Variants in HIF3A observed in about 807,000 individuals in gnomAD.
The protein encoded by HIF3A is hypoxia inducible factor 3 subunit alpha.
In HIF3A, 41 loss-of-function variants were observed where a neutral mutation model predicts 67.2. The observed-to-expected ratio is 0.61, with a 90% CI of 0.48 to 0.79. HIF3A has a LOEUF of 0.79. Among genes scored for constraint, HIF3A ranks in the 30% least tolerant of loss-of-function variants. HIF3A has a pLI of 0.00. For missense variants in HIF3A, 855 were observed against 898.0 expected (o/e 0.95, Z 0.61); for synonymous variants, 356 against 374.8 (o/e 0.95, Z 0.58).
intron 8 of HIF3A, 161 bp from the exon 9 acceptor site, chr19:46,320,282 T>C: frequency 1.6e-6 from 1 of 636,150 alleles, no homozygotes; most frequent in Non-Finnish European, 2.8e-6. Flanking sequence ...ATGAAACCCT[T>C]ATAGGAGACA....
In HIF3A at chr19:46,339,890, C is replaced by G. The variant is rs1299393800; in HGVS notation, c.*268C>G. On this transcript the variant is annotated 3_prime_UTR_variant, in exon 15 of 15. Coordinates refer to ENST00000377670, the MANE Select transcript of HIF3A (RefSeq NM_152795.4). ...CTCTCAGGATTTCTCTTGGGGTTCTCAATACTTGGTTACCTCATTATCCCT... is the reference window on the plus strand; with the variant it reads ...CTCTCAGGATTTCTCTTGGGGTTCTGAATACTTGGTTACCTCATTATCCCT... The G allele has an allele frequency of 5.3e-6, 2 of 375,364 alleles. No homozygotes were observed. Among genetic ancestry groups the G allele is most frequent in the Non-Finnish European group, 9.5e-6 (2 of 211,284 alleles). The allele number at this position is 375,364 out of a possible 1,614,324, so 23.3% of individuals were successfully genotyped here.
intron 9 of HIF3A, among the ~76,000 whole-genome samples, chr19:46,320,928 A>G (rs2147229663): frequency 6.6e-6 from 1 of 152,086 alleles, no homozygotes; most frequent in South Asian, 2.1e-4. Flanking sequence ...TTTGGCTTCC[A>G]GTAATCTCGA....
intron 8 of HIF3A, among the ~76,000 whole-genome samples, chr19:46,314,085 T>G (rs1367634687): frequency 5.3e-5 from 4 of 75,702 alleles, no homozygotes; most frequent in African/African-American, 1.6e-4. Flanking sequence ...TTTCCAAGTT[T>G]GGGTGATTAC....
chr19:46,322,824 A>G (rs1427509035), intron 10 of HIF3A, among the ~76,000 whole-genome samples: 1 of 152,108 alleles, frequency 6.6e-6, no homozygotes, highest in Non-Finnish European at 1.5e-5. Flanking sequence ...TGTCAAGGAT[A>G]TTGCACGGAT....
At chr19:46,339,393 A>G in intron 14 of HIF3A, 132 bp from the exon 15 acceptor site, 1 of 614,420 alleles carries the variant, frequency 1.6e-6, no homozygotes. Flanking sequence ...TAAAATTACT[A>G]AAAATCCTTT....
chr19:46,337,736 T>C lies in HIF3A; in HGVS notation c.1913-1789T>C, dbSNP rs117404020. Among the ~76,000 whole-genome samples, 204 of 152,348 alleles carry C rather than the reference T, an allele frequency of 1.3e-3. 5 individuals are homozygous for C. The East Asian group carries it at 0.034, about 26-fold the overall frequency. ...CTTCTGCCTGGCATACTTTTCCCTCTGTTCTTTGCCATGTTACCACATCCT... is the reference window on the plus strand; with the variant it reads ...CTTCTGCCTGGCATACTTTTCCCTCCGTTCTTTGCCATGTTACCACATCCT... On this transcript the variant is annotated intron_variant, in intron 14 of 14. Transcript: ENST00000377670.
Position 46,309,183 on chromosome 19 carries a change from C to T in HIF3A, c.594C>T (p.Tyr198=), listed in dbSNP as rs759737926. The stretch of plus-strand genomic sequence containing the variant: ...ACTGCTCTGGACATATGAGGGCCTA[C>T]AAGCCACCTGCGCAGACTTCTCCAG... ...VLNCSGHMRA[Y]KPPAQTSPAG... is the part of the protein sequence containing the mutation. Residue 198 remains tyrosine (Y), a synonymous_variant, in exon 6 of 15, where the codon TAC becomes TAT. Coordinates refer to ENST00000377670, the MANE Select transcript of HIF3A (RefSeq NM_152795.4). 36 of 1,613,960 alleles carry T rather than the reference C, an allele frequency of 2.2e-5. 1 individual carries two copies. The South Asian group carries it at 3.8e-4, about 17-fold the overall frequency.
intron 6 of HIF3A, 43 bp downstream of exon 6, chr19:46,309,402 T>C (rs923287555): frequency 1.5e-6 from 2 of 1,371,056 alleles, no homozygotes; most frequent in Admixed American, 4.2e-5. Flanking sequence ...GTTCAAGTGC[T>C]GTTTCCCTCC....
intron 1 of HIF3A, chr19:46,298,429 C>A (rs1385305101): frequency 1.6e-6 from 2 of 1,288,572 alleles, no homozygotes; most frequent in Non-Finnish European, 2.0e-6. Context: ...CGCACCCACT[C>A]GTAACTCGCA....
At chr19:46,321,621 G>T (rs945899552) in intron 9 of HIF3A, among the ~76,000 whole-genome samples, 155 bp from the exon 10 acceptor site, 4 of 152,016 alleles carry the variant, frequency 2.6e-5, no homozygotes, top group Non-Finnish European at 2.9e-5. Flanking sequence ...CCCAGCAGGG[G>T]TCCTCCAGGC....
intron 11 of HIF3A, among the ~76,000 whole-genome samples, chr19:46,327,011 T>C (rs1417866466): frequency 2.0e-5 from 3 of 151,846 alleles, no homozygotes; most frequent in Non-Finnish European, 4.4e-5. Flanking sequence ...TAAAATTAGC[T>C]AGGTGTGGTG....
Position 46,321,310 on chromosome 19 carries a change from G to A in HIF3A, c.1145-466G>A, listed in dbSNP as rs60393166. On this transcript the variant is annotated intron_variant, in intron 9 of 14. Coordinates refer to ENST00000377670, the MANE Select transcript of HIF3A (RefSeq NM_152795.4). ...ACTGAAGTTCACACCTGGGCTGGGA[G>A]CAGTGGTTTATGCCTGCAATCCCAG... Among the ~76,000 whole-genome samples, 1,458 of 152,254 alleles carry A rather than the reference G, an allele frequency of 9.6e-3. 25 individuals are homozygous for A. Among genetic ancestry groups the A allele is most frequent in the African/African-American group, 0.033 (1,374 of 41,550 alleles).
chr19:46,312,048 T>C (rs201494707), intron 6 of HIF3A, 113 bp from the exon 7 acceptor site: 10 of 830,808 alleles, frequency 1.2e-5, no homozygotes, highest in Non-Finnish European at 2.1e-5. Context: ...GTTACAATCC[T>C]TCTCGACATC....
intron 14 of HIF3A, among the ~76,000 whole-genome samples, chr19:46,335,782 A>G (rs551767284): frequency 6.6e-6 from 1 of 152,060 alleles, no homozygotes; most frequent in Admixed American, 6.6e-5. Context: ...TCCTGCCTGT[A>G]ATCACAGTGT....
intron 10 of HIF3A, among the ~76,000 whole-genome samples, chr19:46,323,866 T>C (rs985599773): frequency 6.6e-6 from 1 of 152,116 alleles, no homozygotes; most frequent in African/African-American, 2.4e-5. Context: ...ACGAGGACAG[T>C]ATGGGAGAGA....
chr19:46,301,241 A>T (rs1322351438), intron 1 of HIF3A, among the ~76,000 whole-genome samples: 1 of 151,852 alleles, frequency 6.6e-6, no homozygotes, highest in Admixed American at 6.6e-5. Flanking sequence ...TCCAGACAGG[A>T]AAATATCCCC....
chr19:46,316,820 A>G (rs986551534), intron 8 of HIF3A, among the ~76,000 whole-genome samples: 14 of 152,048 alleles, frequency 9.2e-5, no homozygotes, highest in Middle Eastern at 3.4e-3. Context: ...AAAAAAAAGA[A>G]AAAAGAATTA....
intron 8 of HIF3A, among the ~76,000 whole-genome samples, chr19:46,318,210 A>AT (rs34252806): frequency 2.2e-4 from 32 of 146,586 alleles, no homozygotes; most frequent in Middle Eastern, 3.5e-3. Flanking sequence ...GTCATTTGGA[A>AT]TTTTTTTTTT....
At chr19:46,338,547 G>A (rs1971794253) in intron 14 of HIF3A, 3 of 1,119,590 alleles carry the variant, frequency 2.7e-6, no homozygotes, top group Non-Finnish European at 3.3e-6. Flanking sequence ...TGAAGTATGT[G>A]TGAGTATCCT....
Sources: gnomAD v4.1 joint callset for allele counts (sites outside exome capture counted in the v4.1 genomes callset) on GRCh38, gnomAD v4.1.1 for gene constraint, MANE v1.5 for transcripts, NCBI Gene and HGNC (gene_info 2026-07-23, HGNC 2026-07-21) for gene names.